Variants in PELP1 observed in about 807,000 individuals in gnomAD.
The protein encoded by PELP1 is proline-, glutamic acid- and leucine-rich protein 1.
In PELP1, 32 loss-of-function variants were observed where a neutral mutation model predicts 95.5. The ratio of observed to expected loss-of-function variants is 0.34; its 90% CI spans 0.25 to 0.45. The LOEUF (loss-of-function observed/expected upper bound fraction) is 0.45. Among genes scored for constraint, PELP1 ranks in the 20% least tolerant of loss-of-function variants. The probability of loss-of-function intolerance (pLI) is 1.00; values close to 1 mark genes in which losing one functional copy is unlikely to be tolerated. For missense variants in PELP1, 1,358 were observed against 1,444.8 expected, an observed-to-expected ratio of 0.94 and a Z score of 0.97; for synonymous variants, 668 against 600.1, an observed-to-expected ratio of 1.11 and a Z score of -1.65.
At position 4,691,456 on chromosome 17, in the gene PELP1, A is replaced by C; in HGVS notation, c.250-14T>G. Reference sequence around the variant, plus strand: ...AGCTGAAAGGTTCTGGAGGAAAGAAAACAGGGAAGCGAGTCACAAACGGGA... The same window carrying C: ...AGCTGAAAGGTTCTGGAGGAAAGAACACAGGGAAGCGAGTCACAAACGGGA... On this transcript the variant is annotated splice_polypyrimidine_tract_variant and intron_variant, in intron 1 of 16. Coordinates refer to ENST00000572293, the MANE Select transcript of PELP1 (RefSeq NM_014389.3). The C allele has an allele frequency of 6.2e-7, 1 of 1,605,942 alleles. No homozygotes were observed. The highest frequency in any genetic ancestry group is 8.5e-7 in the Non-Finnish European group (1 of 1,172,704).
chr17:4,674,315 T>C (rs561576603), intron 13 of PELP1, among the ~76,000 whole-genome samples, 195 bp downstream of exon 13: 6 of 152,392 alleles, frequency 3.9e-5, no homozygotes, highest in African/African-American at 1.4e-4. Context: ...GGCTTCCGCC[T>C]GGCTCTGCAT....
chr17:4,691,638 C>T lies in PELP1; in HGVS notation c.250-196G>A, dbSNP rs1913104217. On this transcript the variant is annotated intron_variant, in intron 1 of 16. Coordinates refer to ENST00000572293, the MANE Select transcript of PELP1 (RefSeq NM_014389.3). ...TGGGAAAGGCTGTTTCTCGGCCTTT[C>T]CTCAAGTTATATTTTGCCTGATCCT... is the stretch of plus-strand genomic sequence containing the variant. 1.0e-5 allele frequency: 6 copies of T among 594,976 alleles called. No homozygotes were observed. In the East Asian group the frequency reaches 1.4e-4, roughly 14 times the overall value. 36.9% of individuals were successfully genotyped at this position (594,976 alleles called of 1,614,324 possible). A position where few individuals can be genotyped will look rare whatever the true frequency, so the allele number is the denominator to read the frequency against.
At chr17:4,702,664 A>T (rs1320726162) in intron 1 of PELP1, among the ~76,000 whole-genome samples, 1 of 152,132 alleles carries the variant, frequency 6.6e-6, no homozygotes, top group African/African-American at 2.4e-5. Context: ...ATCTGGGGCT[A>T]AGGTTATTGA....
At position 4,675,526 on chromosome 17, in the gene PELP1, C is replaced by G. The variant is rs770112648; in HGVS notation, c.1069-164G>C. 1 of 712,774 alleles carries G rather than the reference C, an allele frequency of 1.4e-6. No individual in the cohort carries two copies. The highest frequency in any genetic ancestry group is 2.5e-6 in the Non-Finnish European group (1 of 393,970). 44.2% of individuals were successfully genotyped at this position (712,774 alleles called of 1,614,324 possible). On this transcript the variant is annotated intron_variant, in intron 9 of 16. Coordinates refer to ENST00000572293, the MANE Select transcript of PELP1 (RefSeq NM_014389.3). The surrounding 1 kb of genome is among the most constrained non-coding windows in gnomAD (Gnocchi z 4.3). Reference sequence around the variant, plus strand: ...CAAACCCCTATCCTCTAAAATAGACCCTGGATGGAAGGTAAGAAGGATGGC... The same window carrying G: ...CAAACCCCTATCCTCTAAAATAGACGCTGGATGGAAGGTAAGAAGGATGGC...
Position 4,672,684 on chromosome 17 carries a change from G to T in PELP1, c.2307C>A (p.Asp769Glu). 1 of 1,613,514 alleles carries T rather than the reference G, an allele frequency of 6.2e-7. No individual in the cohort carries two copies. The highest frequency in any genetic ancestry group is 8.5e-7 in the Non-Finnish European group (1 of 1,179,706). ...RVPRPAFVHY[D>E]KEEASDVEIS... ...TCTCCACATCAGATGCCTCCTCCTT[G>T]TCATAGTGGACAAAGGCTGGTCTGG... The change falls in exon 16 of 17, where the codon GAC becomes GAA. Residue 769 changes from aspartate to glutamate, a missense_variant. Asp to Glu is a conservative substitution (Grantham distance 45). Transcript: ENST00000572293.
intron 1 of PELP1, among the ~76,000 whole-genome samples, chr17:4,699,736 G>A (rs556483936): frequency 7.0e-4 from 105 of 150,782 alleles, no homozygotes; most frequent in African/African-American, 2.4e-3. Flanking sequence ...ACAGGCATGC[G>A]TCACCACGCC....
chr17:4,672,450 C>A lies in PELP1; in HGVS notation c.2541G>T (p.Pro847=), dbSNP rs570217183. 7 of 1,510,268 alleles carry A rather than the reference C, an allele frequency of 4.6e-6. No individual in the cohort carries two copies. Among genetic ancestry groups the A allele is most frequent in the South Asian group, 2.4e-5 (2 of 81,832 alleles). The allele number at this position is 1,510,268 out of a possible 1,614,324, so 93.6% of individuals were successfully genotyped here. A position where few individuals can be genotyped will look rare whatever the true frequency, so the allele number is the denominator to read the frequency against. Residue 847 remains proline (P), a synonymous_variant, in exon 16 of 17, where the codon CCG becomes CCT. Transcript: ENST00000572293. ...GPLPPPPPPP[P]PVPGPVTLPP... is the part of the protein sequence containing the mutation. ...GGAGCGTCACAGGACCAGGAACAGG[C>A]GGCGGCGGAGGTGGGGGTGGCGGGA...
chr17:4,674,939 A>G lies in PELP1; in HGVS notation c.1292T>C (p.Val431Ala). Residue 431 changes from valine to alanine, a missense_variant, in exon 12 of 17, where the codon GTG becomes GCG. Val to Ala is a moderately conservative substitution (Grantham distance 64, BLOSUM62 0). This residue lies in a region of PELP1 where 538 missense variants were observed against 628.1 expected (regional missense o/e 0.86). Transcript: ENST00000572293. ...CACCCACAGCTCTAATATCGCATAC[A>G]CCTTGGTCCGAACCGTGCTGTGTCA... ...ERPYSTVRTKVYAILELWVQV... is the reference protein window; with the variant it reads ...ERPYSTVRTKAYAILELWVQV... 6.2e-7 allele frequency: 1 copy of G among 1,612,406 alleles called. No homozygotes were observed. The highest frequency in any genetic ancestry group is 8.5e-7 in the Non-Finnish European group (1 of 1,178,866).
rs893165683 is a variant in PELP1 at position 4,690,496 on chromosome 17, C to T, written c.420+392G>A. Among the ~76,000 whole-genome samples, 16 of 152,134 alleles carry T rather than the reference C, an allele frequency of 1.1e-4. 1 individual carries two copies. In the South Asian group the frequency reaches 2.3e-3, roughly 22 times the overall value. On this transcript the variant is annotated intron_variant, in intron 3 of 16. Transcript: ENST00000572293. ...CAGCACTTTGGGAGGCTGAGGCAGG[C>T]GGATCACTTGAAGTCAGGCATTTGA...
At chr17:4,698,482 AAG>A (rs1555554971) in intron 1 of PELP1, among the ~76,000 whole-genome samples, 1 of 151,104 alleles carries the variant, frequency 6.6e-6, no homozygotes, top group Non-Finnish European at 1.5e-5. Context: ...AAAAAAAAAA[AAG>A]AAAAAAAATT....
In PELP1 at chr17:4,672,025, G is replaced by A; in HGVS notation, c.2966C>T (p.Pro989Leu). 1.3e-6 allele frequency: 2 copies of A among 1,574,528 alleles called. No homozygotes were observed. The highest frequency in any genetic ancestry group is 8.6e-7 in the Non-Finnish European group (1 of 1,161,594). The change falls in exon 16 of 17, where the codon CCT (proline) becomes CTT (leucine). Residue 989 changes from proline to leucine, a missense_variant. Pro to Leu is a moderately conservative substitution (Grantham distance 98). Coordinates refer to ENST00000572293, the MANE Select transcript of PELP1 (RefSeq NM_014389.3). ...TGGCTGCACCTTTGGGGGAGACTCA[G>A]GGGGAGGCAGAGCTGGAGGCAGGGT... ...PPTLPPALPP[P>L]ESPPKVQPEP...
chr17:4,683,509 A>AG (rs1912789047), intron 3 of PELP1, among the ~76,000 whole-genome samples: 4 of 144,760 alleles, frequency 2.8e-5, no homozygotes, highest in Non-Finnish European at 4.5e-5. Flanking sequence ...GTGAGCCATC[A>AG]CGCCCAGCTG....
At position 4,672,212 on chromosome 17, in the gene PELP1, CCT is replaced by C; in HGVS notation, c.2777_2778del (p.Glu926GlyfsTer6). 2 of 1,552,514 alleles carry C rather than the reference CCT, an allele frequency of 1.3e-6. No individual in the cohort carries two copies. The highest frequency in any genetic ancestry group is 1.7e-6 in the Non-Finnish European group (2 of 1,147,402). ...AATTCTTCCTCAAACTCTTCTTCCT[CCT>C]CTTCTTCCTCTTCAAAATATTCCTC... ...DEEEYFEEEE[E>X]EEEEFEEEFE... On this transcript the variant is annotated frameshift_variant, in exon 16 of 17. Coordinates refer to ENST00000572293, the MANE Select transcript of PELP1 (RefSeq NM_014389.3). LOFTEE classifies it high-confidence loss of function.
Position 4,675,250 on chromosome 17 carries a change from C to G in PELP1, c.1157+24G>C. 1.3e-6 allele frequency: 2 copies of G among 1,591,542 alleles called. No individual in the cohort carries two copies. The highest frequency in any genetic ancestry group is 1.7e-6 in the Non-Finnish European group (2 of 1,169,362). Reference sequence around the variant, plus strand: ...TTTCTGGCACGCCCTATCCCTTCACCACAGCCAGCCCAATCCCACTCACGC... The same window carrying G: ...TTTCTGGCACGCCCTATCCCTTCACGACAGCCAGCCCAATCCCACTCACGC... On this transcript the variant is annotated intron_variant, in intron 10 of 16. Transcript: ENST00000572293. The surrounding 1 kb of genome is among the most constrained non-coding windows in gnomAD (Gnocchi z 4.3).
chr17:4,702,154 C>T (rs1157783345), intron 1 of PELP1, among the ~76,000 whole-genome samples: 4 of 152,170 alleles, frequency 2.6e-5, no homozygotes, highest in Non-Finnish European at 4.4e-5. Context: ...CATGGTGGCC[C>T]GTGCCTGTAA....
chr17:4,688,839 A>AAAAAC (rs1912997760), intron 3 of PELP1, among the ~76,000 whole-genome samples: 1 of 152,226 alleles, frequency 6.6e-6, no homozygotes. Flanking sequence ...CAGAACTCGA[A>AAAAAC]AAAACAATCC....
rs571968248 is a variant in PELP1, at chr17:4,682,580, G to A, written c.571-7C>T. On this transcript the variant is annotated splice_region_variant and splice_polypyrimidine_tract_variant and intron_variant, in intron 4 of 16. Coordinates refer to ENST00000572293, the MANE Select transcript of PELP1 (RefSeq NM_014389.3). ...CCAATGCTGACTGCTCACACTGTAGGAAAAACAAAGGGAGAAACGAGAGGC... is the reference window on the plus strand; with the variant it reads ...CCAATGCTGACTGCTCACACTGTAGAAAAAACAAAGGGAGAAACGAGAGGC... The A allele has an allele frequency of 3.7e-6, 6 of 1,608,876 alleles. No individual in the cohort carries two copies. The highest frequency in any genetic ancestry group is 2.7e-5 in the African/African-American group (2 of 74,938).
rs532694437 is a variant in PELP1, at chr17:4,685,347, C to T, written c.421-2395G>A. Among the ~76,000 whole-genome samples the T allele has an allele frequency of 2.0e-5, 3 of 152,292 alleles. No homozygotes were observed. The South Asian group carries it at 6.2e-4, about 32-fold the overall frequency. Reference sequence around the variant, plus strand: ...CCGGTTATCTTCTTCTTTCTGTTGGCCTGTCTCAGTCTCCTTAGTCAGTTC... The same window carrying T: ...CCGGTTATCTTCTTCTTTCTGTTGGTCTGTCTCAGTCTCCTTAGTCAGTTC... On this transcript the variant is annotated intron_variant, in intron 3 of 16. Coordinates refer to ENST00000572293, the MANE Select transcript of PELP1 (RefSeq NM_014389.3).
At chr17:4,685,993 AG>A (rs1744167928) in intron 3 of PELP1, among the ~76,000 whole-genome samples, 1 of 152,044 alleles carries the variant, frequency 6.6e-6, no homozygotes, top group South Asian at 2.1e-4. Flanking sequence ...GCTACTCAGG[AG>A]GCTGAGGCAG....
Sources: gnomAD v4.1 joint callset for allele counts (sites outside exome capture counted in the v4.1 genomes callset) on GRCh38, gnomAD v4.1.1 for gene constraint, gnomAD v4.1.1 regional missense constraint, Gnocchi (gnomAD v3.1) non-coding constraint, MANE v1.5 for transcripts, NCBI Gene and HGNC (gene_info 2026-07-23, HGNC 2026-07-21) for gene names.